Variants in KLF13 observed in about 807,000 individuals in gnomAD.
The protein encoded by KLF13 is KLF transcription factor 13, also known as Krueppel-like factor 13.
A neutral mutation model predicts 16.7 loss-of-function variants in KLF13; 8 were observed. The ratio of observed to expected loss-of-function variants is 0.48; its 90% CI spans 0.28 to 0.87. The LOEUF is 0.87. Among genes scored for constraint, KLF13 ranks in the 40% least tolerant of loss-of-function variants. KLF13 has a pLI of 0.10. For synonymous variants in KLF13, 245 were observed against 208.4 expected (o/e 1.18, Z -1.51); for missense variants, 447 against 452.2 (o/e 0.99, Z 0.10).
At chr15:31,360,973 T>G (rs1324773862) in intron 1 of KLF13, among the ~76,000 whole-genome samples, 1 of 152,032 alleles carries the variant, frequency 6.6e-6, no homozygotes, top group East Asian at 1.9e-4. Context: ...CTGAGTGCCA[T>G]TGTTTTGAGT....
chr15:31,350,935 T>C (rs1487687492), intron 1 of KLF13, among the ~76,000 whole-genome samples: 1 of 152,202 alleles, frequency 6.6e-6, no homozygotes, highest in Non-Finnish European at 1.5e-5. Flanking sequence ...TGTAAGAACA[T>C]GATGATGACA....
chr15:31,419,249 A>G (rs895964860), intron 1 of KLF13, among the ~76,000 whole-genome samples: 1 of 148,862 alleles, frequency 6.7e-6, no homozygotes, highest in African/African-American at 2.5e-5. Context: ...GTAAAAAATA[A>G]TAAGGCATGT....
chr15:31,400,922 G>A (rs2040026830), intron 2 of KLF13, among the ~76,000 whole-genome samples: 1 of 152,118 alleles, frequency 6.6e-6, no homozygotes, highest in Non-Finnish European at 1.5e-5. Flanking sequence ...ACCTGGAAGC[G>A]TCGCATCGCT....
intron 2 of KLF13, among the ~76,000 whole-genome samples, chr15:31,400,924 C>CG (rs1555380707): frequency 6.6e-6 from 1 of 152,042 alleles, no homozygotes; most frequent in Non-Finnish European, 1.5e-5. Context: ...CTGGAAGCGT[C>CG]GCATCGCTAT....
downstream of KLF13, chr15:31,404,835 C>G (rs555339248): frequency 6.6e-6 from 1 of 152,636 alleles, no homozygotes; most frequent in South Asian, 2.1e-4. Context: ...AAAGAACCAA[C>G]TCCCGACACG....
chr15:31,425,733 C>T (rs1475339552), intron 1 of KLF13, among the ~76,000 whole-genome samples: 5 of 152,044 alleles, frequency 3.3e-5, no homozygotes, highest in African/African-American at 1.2e-4. Context: ...AAAAATTAGT[C>T]GGGCGTGTTA....
intron 1 of KLF13, among the ~76,000 whole-genome samples, chr15:31,338,281 G>A (rs2038963628): frequency 6.6e-6 from 1 of 152,212 alleles, no homozygotes; most frequent in African/African-American, 2.4e-5. Flanking sequence ...GGCCTTGGAA[G>A]ATGGACATTT....
At chr15:31,358,558 G>A (rs1249752948) in intron 1 of KLF13, among the ~76,000 whole-genome samples, 1 of 152,224 alleles carries the variant, frequency 6.6e-6, no homozygotes, top group Non-Finnish European at 1.5e-5. Flanking sequence ...TCTTTGGTAA[G>A]AGTGTTCAGA....
chr15:31,372,058 C>G lies in KLF13; in HGVS notation c.626C>G (p.Ala209Gly), dbSNP rs770671001. 6.2e-7 allele frequency: 1 copy of G among 1,611,574 alleles called. No individual in the cohort carries two copies. The highest frequency in any genetic ancestry group is 8.5e-7 in the Non-Finnish European group (1 of 1,179,480). ...CSWQDCNKKF[A>G]RSDELARHYR... ...TGGCAGGACTGCAACAAGAAGTTCG[C>G]GCGCTCCGACGAGCTGGCGCGGCAC... Residue 209 changes from alanine (A) to glycine (G), a missense_variant, in exon 2 of 2, where the codon GCG becomes GGG. Transcript: ENST00000307145.
intron 1 of KLF13, among the ~76,000 whole-genome samples, chr15:31,429,024 G>T (rs1227613593): frequency 6.6e-6 from 1 of 152,104 alleles, no homozygotes; most frequent in Non-Finnish European, 1.5e-5. Context: ...AAATGAAAAT[G>T]CAAGGCTCCT....
At chr15:31,337,506 C>T (rs1316169930) in intron 1 of KLF13, among the ~76,000 whole-genome samples, 3 of 151,992 alleles carry the variant, frequency 2.0e-5, no homozygotes, top group African/African-American at 4.8e-5. Context: ...ATGACGGGTG[C>T]GTTCTGAGAA....
chr15:31,327,620 G>C lies in KLF13; in HGVS notation c.408G>C (p.Glu136Asp). Residue 136 changes from glutamate to aspartate, a missense_variant, in exon 1 of 2, where the codon GAG becomes GAC. By Grantham distance (45) the Glu-to-Asp change is conservative. Transcript: ENST00000307145. ...AGGCGGGGCTGGAGCCCGAGCGGGA[G>C]CCGGGGCCCGCGGGGAGCGGCGAGC... ...EPEAGLEPER[E>D]PGPAGSGEPG... 7.4e-7 allele frequency: 1 copy of C among 1,346,616 alleles called. No homozygotes were observed. The highest frequency in any genetic ancestry group is 9.7e-7 in the Non-Finnish European group (1 of 1,033,388). The allele number at this position is 1,346,616 out of a possible 1,614,324, so 83.4% of individuals were successfully genotyped here.
intron 1 of KLF13, among the ~76,000 whole-genome samples, chr15:31,413,193 A>C (rs1339830932): frequency 1.6e-4 from 24 of 149,824 alleles, no homozygotes; most frequent in Non-Finnish European, 3.1e-4. Flanking sequence ...TAGACAAAAA[A>C]AAAAAAAAAC....
At chr15:31,405,638 T>G (rs971548349), downstream of KLF13, among the ~76,000 whole-genome samples, 11 of 152,144 alleles carry the variant, frequency 7.2e-5, no homozygotes, top group Non-Finnish European at 1.3e-4. Context: ...GGTCTTTTTG[T>G]AAAGATGAGG....
intron 1 of KLF13, among the ~76,000 whole-genome samples, chr15:31,332,303 C>T (rs1349535070): frequency 1.3e-5 from 2 of 152,212 alleles, no homozygotes; most frequent in African/African-American, 4.8e-5. Flanking sequence ...AAAATGTTTC[C>T]TTCTCCCAAT....
chr15:31,365,598 C>T (rs531973456), intron 1 of KLF13, among the ~76,000 whole-genome samples: 1 of 92,644 alleles, frequency 1.1e-5, no homozygotes, highest in Admixed American at 1.5e-4. Flanking sequence ...ACAGGTGCAG[C>T]TGGAGCCGGG....
downstream of KLF13, among the ~76,000 whole-genome samples, chr15:31,407,396 G>A (rs74455161): frequency 1.3e-5 from 2 of 152,280 alleles, no homozygotes; most frequent in East Asian, 3.9e-4. Flanking sequence ...GGAGGGGGTG[G>A]CACAGGTCAT....
rs553114301 is a variant in KLF13 at position 31,327,764 on chromosome 15, C to T, written c.552C>T (p.Leu184=). The T allele has an allele frequency of 2.2e-5, 34 of 1,530,856 alleles. No individual in the cohort carries two copies. Among genetic ancestry groups the T allele is most frequent in the Admixed American group, 5.6e-5 (3 of 53,386 alleles). The allele number at this position is 1,530,856 out of a possible 1,614,324, so 94.8% of individuals were successfully genotyped here. ...CEKVYGKSSH[L]KAHLRTHTGE... is the part of the protein sequence containing the mutation. ...AAGTTTACGGGAAATCTTCGCACCT[C>T]AAGGCGCACCTGAGAACTCACACAG... Residue 184 remains leucine (L), a synonymous_variant, in exon 1 of 2, where the codon CTC becomes CTT. Coordinates refer to ENST00000307145, the MANE Select transcript of KLF13 (RefSeq NM_015995.4).
At position 31,327,481 on chromosome 15, in the gene KLF13, G is replaced by A. The variant is rs2038734279; in HGVS notation, c.269G>A (p.Arg90Gln). ...PAERREGAAA[R>Q]KARTPCRLPP... is the part of the protein sequence containing the mutation. ...GAGCGCAGGGAGGGCGCCGCGGCCC[G>A]GAAGGCGAGGACCCCCTGCCGCCTG... Residue 90 changes from arginine (R) to glutamine (Q), a missense_variant, in exon 1 of 2, where the codon CGG (arginine) becomes CAG (glutamine). By Grantham distance (43) the Arg-to-Gln change is conservative. Around this residue, in one of 2 missense-constraint regions of KLF13, gnomAD observed 359 missense variants for 282.8 expected, o/e 1.27. Transcript: ENST00000307145. 3 of 1,202,866 alleles carry A rather than the reference G, an allele frequency of 2.5e-6. No homozygotes were observed. The highest frequency in any genetic ancestry group is 3.1e-6 in the Non-Finnish European group (3 of 969,764). The allele number at this position is 1,202,866 out of a possible 1,614,324, so 74.5% of individuals were successfully genotyped here. A position where few individuals can be genotyped will look rare whatever the true frequency, so the allele number is the denominator to read the frequency against.
Sources: gnomAD v4.1 joint callset for allele counts (sites outside exome capture counted in the v4.1 genomes callset) on GRCh38, gnomAD v4.1.1 for gene constraint, gnomAD v4.1.1 regional missense constraint, MANE v1.5 for transcripts, NCBI Gene and HGNC (gene_info 2026-07-23, HGNC 2026-07-21) for gene names.